NOSTRIN: variants seen among roughly 807,000 people sequenced by gnomAD.
NOSTRIN encodes nitric oxide synthase trafficking, also known as BM247 homolog.
NOSTRIN carries 63 observed loss-of-function variants against 59.0 expected under a neutral mutation model. The observed-to-expected ratio is 1.07, with a 90% CI of 0.87 to 1.32. NOSTRIN has a LOEUF of 1.32. Among genes scored for constraint, NOSTRIN ranks in the 40% most tolerant of loss-of-function variants. The probability of loss-of-function intolerance (pLI) is 0.00; values close to 1 mark genes in which losing one functional copy is unlikely to be tolerated. For missense variants in NOSTRIN, 512 were observed against 473.1 expected (o/e 1.08, Z -0.76); for synonymous variants, 200 against 165.4 (o/e 1.21, Z -1.61).
chr2:168,793,121 T>A (rs1432318970), intron 2 of NOSTRIN, among the ~76,000 whole-genome samples: 2 of 152,198 alleles, frequency 1.3e-5, no homozygotes, highest in East Asian at 3.8e-4. Flanking sequence ...CCCTCATTAC[T>A]TATCCTTAAT....
At chr2:168,861,697 G>T (rs1210056910) in intron 14 of NOSTRIN, among the ~76,000 whole-genome samples, 1 of 152,126 alleles carries the variant, frequency 6.6e-6, no homozygotes, top group Non-Finnish European at 1.5e-5. Flanking sequence ...ATTATACAAT[G>T]ATGTTTTTCT....
intron 12 of NOSTRIN, among the ~76,000 whole-genome samples, chr2:168,857,008 T>C (rs1480301573): frequency 6.6e-6 from 1 of 152,148 alleles, no homozygotes; most frequent in Non-Finnish European, 1.5e-5. Context: ...GTGTCTAAAA[T>C]AGTATTCTCC....
chr2:168,853,130 A>G (rs1574329926), intron 10 of NOSTRIN, among the ~76,000 whole-genome samples: 2 of 152,218 alleles, frequency 1.3e-5, no homozygotes, highest in East Asian at 1.9e-4. Context: ...TTTGGTTTCT[A>G]TAAAACTTCA....
upstream of NOSTRIN, among the ~76,000 whole-genome samples, chr2:168,794,509 G>T (rs541701404): frequency 6.6e-6 from 1 of 150,876 alleles, no homozygotes; most frequent in Admixed American, 6.6e-5. Context: ...CCGCCACCGC[G>T]CCTGGCTAAT....
At chr2:168,796,418 C>G (rs16855894), upstream of NOSTRIN, among the ~76,000 whole-genome samples, 2,623 of 152,324 alleles carry the variant, frequency 0.017, 82 homozygotes, top group East Asian at 0.078. Flanking sequence ...CTAAGTACTC[C>G]TGCTCACTTG....
chr2:168,865,102 C>A lies in NOSTRIN; in HGVS notation c.*132C>A. The A allele has an allele frequency of 2.2e-6, 2 of 913,788 alleles. No homozygotes were observed. The highest frequency in any genetic ancestry group is 2.8e-5 in the Admixed American group (1 of 36,256). 56.6% of individuals were successfully genotyped at this position (913,788 alleles called of 1,614,324 possible). ...ATGGAGTTCTACCTGCATGTCACAG[C>A]ACTTTGCATTCATGATTATTAGCTT... On this transcript the variant is annotated 3_prime_UTR_variant, in exon 16 of 16. Coordinates refer to ENST00000317647, the MANE Select transcript of NOSTRIN (RefSeq NM_001039724.4).
At chr2:168,811,752 T>A in intron 2 of NOSTRIN, 100 bp downstream of exon 2, 1 of 547,074 alleles carries the variant, frequency 1.8e-6, no homozygotes, top group Non-Finnish European at 3.2e-6. Flanking sequence ...TTCCAGAATG[T>A]GGTGTTATAT....
At chr2:168,807,249 A>AAC (rs199524376) in intron 1 of NOSTRIN, among the ~76,000 whole-genome samples, 17 of 151,464 alleles carry the variant, frequency 1.1e-4, no homozygotes, top group Admixed American at 2.6e-4. Flanking sequence ...AGATTTTCTG[A>AAC]ACACACACAC....
At chr2:168,861,676 C>T (rs935549648) in intron 14 of NOSTRIN, among the ~76,000 whole-genome samples, 2 of 152,084 alleles carry the variant, frequency 1.3e-5, no homozygotes, top group Admixed American at 6.6e-5. Context: ...AACATGCATG[C>T]AATTACTATT....
At chr2:168,810,121 T>C (rs145059658) in intron 1 of NOSTRIN, among the ~76,000 whole-genome samples, 2 of 152,280 alleles carry the variant, frequency 1.3e-5, no homozygotes, top group African/African-American at 4.8e-5. Context: ...CTCACCCTCC[T>C]CCTCACTCAT....
At chr2:168,802,747 T>C (rs1383462219) in intron 1 of NOSTRIN, 74 bp downstream of exon 1, 1 of 835,970 alleles carries the variant, frequency 1.2e-6, no homozygotes. Flanking sequence ...TAATGGATTT[T>C]AACTTAAGAA....
intron 7 of NOSTRIN, among the ~76,000 whole-genome samples, chr2:168,842,357 G>A (rs1303981066): frequency 6.6e-6 from 1 of 152,072 alleles, no homozygotes; most frequent in Admixed American, 6.6e-5. Context: ...AAGCAACCCG[G>A]TATGTATTAA....
intron 15 of NOSTRIN, 66 bp from the exon 16 acceptor site, chr2:168,864,768 T>G: frequency 1.3e-6 from 2 of 1,577,694 alleles, no homozygotes; most frequent in Non-Finnish European, 1.7e-6. Context: ...CTTAAAACTC[T>G]TATCAATCGG....
intron 2 of NOSTRIN, among the ~76,000 whole-genome samples, chr2:168,790,985 C>CT (rs1245905468): frequency 4.6e-5 from 7 of 151,968 alleles, no homozygotes; most frequent in Admixed American, 1.3e-4. Flanking sequence ...TATTTGTTTT[C>CT]TTTTTTTAAA....
upstream of NOSTRIN, among the ~76,000 whole-genome samples, chr2:168,794,108 A>G (rs1369267153): frequency 1.3e-5 from 2 of 152,212 alleles, no homozygotes; most frequent in Admixed American, 6.5e-5. Flanking sequence ...CCTTGAAAGA[A>G]GGGATTGGCA....
rs755615339 is a variant in NOSTRIN at position 168,860,811 on chromosome 2, A to T, written c.1196A>T (p.Tyr399Phe). The change falls in exon 14 of 16, where the codon TAT becomes TTT. Residue 399 changes from tyrosine (Y) to phenylalanine (F), a missense_variant. By Grantham distance (22) the Tyr-to-Phe change is conservative (BLOSUM62 3). Transcript: ENST00000317647. ...TTTGAACAGGAGCATACTCATAGCTATGTGAAAATATCTCGGCCTTTTTTA... is the reference window on the plus strand; with the variant it reads ...TTTGAACAGGAGCATACTCATAGCTTTGTGAAAATATCTCGGCCTTTTTTA... ...RWREKEHTHS[Y>F]VKISRPFLMK... 1 of 1,608,900 alleles carries T rather than the reference A, an allele frequency of 6.2e-7. No individual in the cohort carries two copies. The highest frequency in any genetic ancestry group is 8.5e-7 in the Non-Finnish European group (1 of 1,175,176).
At chr2:168,822,821 A>G (rs1161566412) in intron 2 of NOSTRIN, among the ~76,000 whole-genome samples, 3 of 152,190 alleles carry the variant, frequency 2.0e-5, no homozygotes, top group African/African-American at 7.2e-5. Flanking sequence ...GCTGCAAAGA[A>G]AGTAATAGAA....
intron 2 of NOSTRIN, among the ~76,000 whole-genome samples, chr2:168,819,448 G>A (rs933954193): frequency 5.3e-5 from 8 of 152,150 alleles, no homozygotes; most frequent in East Asian, 1.9e-4. Context: ...CTTTCTTCAC[G>A]CTTGCCACTT....
chr2:168,804,731 A>G (rs1321217991), intron 1 of NOSTRIN, among the ~76,000 whole-genome samples: 1 of 152,166 alleles, frequency 6.6e-6, no homozygotes, highest in Non-Finnish European at 1.5e-5. Flanking sequence ...GTACCCATGT[A>G]TGGAACTCAG....
Sources: allele counts gnomAD v4.1 joint callset (sites outside exome capture counted in the v4.1 genomes callset), GRCh38; gene constraint gnomAD v4.1.1; transcripts MANE v1.5; gene names NCBI Gene and HGNC (gene_info 2026-07-23, HGNC 2026-07-21).